The following LRMDA variants were observed in gnomAD, a reference collection of about 807,000 sequenced individuals.
LRMDA encodes the protein leucine-rich melanocyte differentiation-associated protein.
Under a neutral mutation model 29.8 loss-of-function variants are expected in LRMDA, and 18 were observed. That is an observed-to-expected ratio of 0.60 (90% CI 0.42 to 0.90). LRMDA has a LOEUF of 0.90. LRMDA is among the 40% of genes least tolerant of loss of function. The pLI is 0.00. For missense variants in LRMDA, 273 were observed against 273.9 expected, an observed-to-expected ratio of 1.00 and a Z score of 0.02; for synonymous variants, 125 against 109.4, an observed-to-expected ratio of 1.14 and a Z score of -0.89.
chr10:76,013,331 T>A (rs192826546), intron 2 of LRMDA, among the ~76,000 whole-genome samples: 1 of 151,450 alleles, frequency 6.6e-6, no homozygotes, highest in African/African-American at 2.4e-5. Flanking sequence ...TAACTGGATG[T>A]AGAAAAGAGG....
At chr10:75,909,643 A>G (rs1311493011) in intron 2 of LRMDA, among the ~76,000 whole-genome samples, 1 of 152,188 alleles carries the variant, frequency 6.6e-6, no homozygotes, top group African/African-American at 2.4e-5. Context: ...TGGACACATT[A>G]TCTATTTGAC....
intron 2 of LRMDA, among the ~76,000 whole-genome samples, chr10:75,917,961 GCACACACACACA>G (rs10552979): frequency 6.7e-6 from 1 of 149,930 alleles, no homozygotes; most frequent in Non-Finnish European, 1.5e-5. Context: ...GCACATGTGC[GCACACACACACA>G]CACACACACA....
rs1245843934 is a variant in LRMDA, at chr10:75,431,630, G to A, written c.-95G>A. ...CCGGGTCAGCTGACTGCCCAGTGCGGAACTGTGCGCCCGCCGCGCTCCCCT... is the reference window on the plus strand; with the variant it reads ...CCGGGTCAGCTGACTGCCCAGTGCGAAACTGTGCGCCCGCCGCGCTCCCCT... On this transcript the variant is annotated 5_prime_UTR_variant, in exon 1 of 7. Transcript: ENST00000611255. 2 of 1,120,018 alleles carry A rather than the reference G, an allele frequency of 1.8e-6. No homozygotes were observed. The highest frequency in any genetic ancestry group is 3.8e-5 in the East Asian group (1 of 26,214). The allele number at this position is 1,120,018 out of a possible 1,614,324, so 69.4% of individuals were successfully genotyped here.
rs535528588 is a variant in LRMDA, at chr10:76,385,416, G to A, written c.601+60931G>A. Among the ~76,000 whole-genome samples the A allele has an allele frequency of 2.0e-5, 3 of 152,236 alleles. No individual in the cohort carries two copies. In the East Asian group the frequency reaches 5.8e-4, roughly 29 times the overall value. ...TGCCTCATCACAGGTCGGTATCCTG[G>A]GAGACCCCAAAAGGTATGATACTTT... On this transcript the variant is annotated intron_variant, in intron 6 of 6. Transcript: ENST00000611255.
intron 5 of LRMDA, among the ~76,000 whole-genome samples, chr10:76,219,091 C>A (rs1851780066): frequency 6.6e-6 from 1 of 152,146 alleles, no homozygotes; most frequent in Non-Finnish European, 1.5e-5. Context: ...ACCAGGCCTG[C>A]CCTAAAAGAA....
chr10:76,451,703 G>A (rs1037361827), intron 6 of LRMDA, among the ~76,000 whole-genome samples: 1 of 148,866 alleles, frequency 6.7e-6, no homozygotes, highest in Non-Finnish European at 1.5e-5. Context: ...TGTTGCCCTG[G>A]CTGGAGTGCA....
At chr10:75,906,506 C>T (rs569307887) in intron 2 of LRMDA, among the ~76,000 whole-genome samples, 113 of 152,286 alleles carry the variant, frequency 7.4e-4, no homozygotes, top group African/African-American at 2.6e-3. Context: ...TCCCTAGTCT[C>T]ATGCTGCTTA....
intron 6 of LRMDA, among the ~76,000 whole-genome samples, chr10:76,363,153 GAAAGAAAGAAAGAAAGAAA>G (rs1166497997): frequency 0.027 from 1,043 of 39,324 alleles, 37 homozygotes; most frequent in Non-Finnish European, 0.04. Context: ...AAGAAAGAAA[GAAAGAAAGAAAGAAAGAAA>G]GAAAGGAGGG....
rs147122952 is a variant in LRMDA, at chr10:75,432,437, A to G, written c.30+683A>G. On this transcript the variant is annotated intron_variant, in intron 1 of 6. Transcript: ENST00000611255. Reference sequence around the variant, plus strand: ...CTGGGTGCCAGACACCCAGTCTCACATGCTTTGAGCTCTGTAGTGAAGCCT... The same window carrying G: ...CTGGGTGCCAGACACCCAGTCTCACGTGCTTTGAGCTCTGTAGTGAAGCCT... Among the ~76,000 whole-genome samples, 333 of 152,342 alleles carry G rather than the reference A, an allele frequency of 2.2e-3. 1 individual carries two copies. Among genetic ancestry groups the G allele is most frequent in the African/African-American group, 7.5e-3 (311 of 41,584 alleles).
intron 6 of LRMDA, among the ~76,000 whole-genome samples, chr10:76,518,280 C>CATCT (rs10568061): frequency 0.18 from 26,633 of 146,504 alleles, 2,353 homozygotes; most frequent in South Asian, 0.22. Context: ...ATTTATCTAT[C>CATCT]ATCTATCTAT....
intron 5 of LRMDA, among the ~76,000 whole-genome samples, chr10:76,213,065 A>G (rs1344371857): frequency 2.0e-5 from 3 of 152,240 alleles, no homozygotes. Flanking sequence ...CCAAAAACGC[A>G]TCCCAAATTG....
chr10:76,324,602 G>A (rs1267578028), intron 6 of LRMDA, 117 bp downstream of exon 6: 3 of 852,934 alleles, frequency 3.5e-6, no homozygotes, highest in Admixed American at 4.8e-5. Context: ...TGCTTTTTAA[G>A]TCCTTGATGA....
intron 5 of LRMDA, among the ~76,000 whole-genome samples, chr10:76,109,627 C>T (rs1206816172): frequency 1.3e-5 from 2 of 152,140 alleles, no homozygotes; most frequent in Non-Finnish European, 2.9e-5. Flanking sequence ...TCCTGTACTC[C>T]CCATTTTGTT....
chr10:75,790,583 G>C (rs368231028), intron 2 of LRMDA, among the ~76,000 whole-genome samples: 2 of 152,148 alleles, frequency 1.3e-5, no homozygotes, highest in East Asian at 3.9e-4. Context: ...AGTATCACAA[G>C]AGCTTATGCT....
intron 6 of LRMDA, among the ~76,000 whole-genome samples, chr10:76,377,915 A>G (rs989395963): frequency 5.3e-5 from 8 of 152,170 alleles, no homozygotes; most frequent in Non-Finnish European, 1.2e-4. Context: ...TTCTGGGGAA[A>G]ATAATATTGG....
At chr10:76,044,318 C>T (rs145065246) in intron 3 of LRMDA, among the ~76,000 whole-genome samples, 1 of 152,244 alleles carries the variant, frequency 6.6e-6, no homozygotes, top group Non-Finnish European at 1.5e-5. Flanking sequence ...ATGACACCAT[C>T]CAGTCCTGGG....
intron 2 of LRMDA, among the ~76,000 whole-genome samples, chr10:75,984,816 G>C (rs1213232690): frequency 6.6e-6 from 1 of 152,234 alleles, no homozygotes; most frequent in African/African-American, 2.4e-5. Flanking sequence ...TCTGAGAGAA[G>C]TGGGCTCAAG....
rs538205634 is a variant in LRMDA at position 76,325,602 on chromosome 10, G to T, written c.601+1117G>T. Among the ~76,000 whole-genome samples the T allele has an allele frequency of 2.3e-3, 345 of 152,196 alleles. 2 individuals are homozygous for T. Among genetic ancestry groups the T allele is most frequent in the Middle Eastern group, 0.014 (4 of 294 alleles). On this transcript the variant is annotated intron_variant, in intron 6 of 6. Transcript: ENST00000611255. Reference sequence around the variant, plus strand: ...TTTCCCTAAAATAACACCACATCTAGATGGAGCAACAAATTAACCCTTAAA... The same window carrying T: ...TTTCCCTAAAATAACACCACATCTATATGGAGCAACAAATTAACCCTTAAA...
chr10:75,681,466 G>A (rs944655894), intron 2 of LRMDA, among the ~76,000 whole-genome samples: 1 of 152,182 alleles, frequency 6.6e-6, no homozygotes, highest in Non-Finnish European at 1.5e-5. Flanking sequence ...TAGGCCGGGT[G>A]GCTCTGCTCC....
Sources: gnomAD v4.1 joint callset for allele counts (sites outside exome capture counted in the v4.1 genomes callset) on GRCh38, gnomAD v4.1.1 for gene constraint, MANE v1.5 for transcripts, NCBI Gene and HGNC (gene_info 2026-07-23, HGNC 2026-07-21) for gene names.